The following ACACA variants were observed in gnomAD, a reference collection of about 807,000 sequenced individuals.
The protein encoded by ACACA is acetyl-CoA carboxylase 1.
Under a neutral mutation model 296.1 loss-of-function variants are expected in ACACA, and 103 were observed. The ratio of observed to expected loss-of-function variants is 0.35; its 90% CI spans 0.30 to 0.41. ACACA has a LOEUF of 0.41. ACACA is among the 10% of genes least tolerant of loss of function. The pLI, the probability that ACACA is intolerant of heterozygous loss-of-function variation, is 1.00. For synonymous variants in ACACA, 953 were observed against 1,038.6 expected (o/e 0.92, Z 1.58); for missense variants, 1,554 against 2,989.7 (o/e 0.52, Z 11.20).
At chr17:37,221,955 G>A (rs1446900517) in intron 28 of ACACA, 113 bp from the exon 29 acceptor site, 2 of 874,284 alleles carry the variant, frequency 2.3e-6, no homozygotes, top group Non-Finnish European at 3.8e-6. Flanking sequence ...TCTGTGGGGA[G>A]AGAAGTCCCA....
At chr17:37,253,168 G>A (rs774687216) in intron 14 of ACACA, 132 bp from the exon 15 acceptor site, 460 of 1,269,048 alleles carry the variant, frequency 3.6e-4, no homozygotes, top group Non-Finnish European at 4.7e-4. Context: ...AAGACAAGGC[G>A]GATCACGAAG....
chr17:37,337,427 A>AAG (rs2048174153), intron 2 of ACACA, among the ~76,000 whole-genome samples: 1 of 147,026 alleles, frequency 6.8e-6, no homozygotes, highest in African/African-American at 2.4e-5. Flanking sequence ...AAAAAAAAAA[A>AAG]AAAAAGAAAA....
intron 1 of ACACA, chr17:37,367,567 CTT>C (rs1670420431): frequency 6.6e-6 from 1 of 152,104 alleles, no homozygotes; most frequent in Non-Finnish European, 1.5e-5. Context: ...ATATATCTAT[CTT>C]ATATTCAGGA....
chr17:37,230,873 C>A (rs1353711761), intron 25 of ACACA, among the ~76,000 whole-genome samples: 5 of 152,200 alleles, frequency 3.3e-5, no homozygotes, highest in African/African-American at 1.2e-4. Context: ...TTTGGGATTA[C>A]AGGTCACTTG....
At chr17:37,192,377 AAAAG>A in intron 36 of ACACA, 72 bp from the exon 37 acceptor site, 1 of 1,352,822 alleles carries the variant, frequency 7.4e-7, no homozygotes, top group Non-Finnish European at 1.0e-6. Flanking sequence ...ATGTGAATGT[AAAAG>A]AGATGCCTGA....
In ACACA at chr17:37,406,454, G is replaced by A. The variant is rs2051514145; in HGVS notation, c.-155C>T. 1.2e-6 allele frequency: 1 copy of A among 818,554 alleles called. No individual in the cohort carries two copies. The highest frequency in any genetic ancestry group is 2.6e-5 in the East Asian group (1 of 37,814). 50.7% of individuals were successfully genotyped at this position (818,554 alleles called of 1,614,324 possible). A position where few individuals can be genotyped will look rare whatever the true frequency, so the allele number is the denominator to read the frequency against. ...CTGGTTCATCCACGAGCAGCCCTTCGGGGCCCGGACTGGAGAGGCGCCACG... is the reference window on the plus strand; with the variant it reads ...CTGGTTCATCCACGAGCAGCCCTTCAGGGCCCGGACTGGAGAGGCGCCACG... On this transcript the variant is annotated 5_prime_UTR_variant, in exon 1 of 56. Transcript: ENST00000616317.
intron 1 of ACACA, among the ~76,000 whole-genome samples, chr17:37,356,926 G>A (rs894160004): frequency 2.0e-5 from 3 of 152,050 alleles, no homozygotes; most frequent in South Asian, 2.1e-4. Flanking sequence ...ACCAGTCCAC[G>A]TGACAGGTAT....
At chr17:37,197,041 C>G (rs1380758445) in intron 35 of ACACA, among the ~76,000 whole-genome samples, 4 of 152,190 alleles carry the variant, frequency 2.6e-5, no homozygotes, top group African/African-American at 9.6e-5. Flanking sequence ...AGTCAACTCC[C>G]AGCCTCCTTA....
At chr17:37,272,144 G>A (rs967737050) in intron 9 of ACACA, among the ~76,000 whole-genome samples, 1 of 152,108 alleles carries the variant, frequency 6.6e-6, no homozygotes, top group Non-Finnish European at 1.5e-5. Context: ...AGGAGTTGGA[G>A]ACCAGCCAGC....
Position 37,097,949 on chromosome 17 carries a change from A to T in ACACA, c.6601T>A (p.Leu2201Met). The change falls in exon 53 of 56, where the codon TTG becomes ATG. Residue 2201 changes from leucine to methionine, a missense_variant. Leu to Met is a conservative substitution (Grantham distance 15). This residue lies in a region of ACACA where 553 missense variants were observed against 1,043.6 expected (regional missense o/e 0.53). Transcript: ENST00000616317. The surrounding 1 kb of genome is among the most constrained non-coding windows in gnomAD (Gnocchi z 4.8). ...PELSTAERKE[L>M]ENKLKEREEF... ...TCCCGCTCCTTCAACTTGTTCTCCAACTCCTTCCGCTCAGCTGTGCTTAGC... is the reference window on the plus strand; with the variant it reads ...TCCCGCTCCTTCAACTTGTTCTCCATCTCCTTCCGCTCAGCTGTGCTTAGC... 6.2e-7 allele frequency: 1 copy of T among 1,613,626 alleles called. No individual in the cohort carries two copies. The highest frequency in any genetic ancestry group is 1.7e-5 in the Admixed American group (1 of 59,996).
intron 45 of ACACA, among the ~76,000 whole-genome samples, chr17:37,145,468 T>A (rs2075772046): frequency 6.6e-6 from 1 of 152,180 alleles, no homozygotes; most frequent in Non-Finnish European, 1.5e-5. Flanking sequence ...AGCAAGCCCC[T>A]AGAAACTTCT....
intron 3 of ACACA, among the ~76,000 whole-genome samples, chr17:37,313,029 C>T (rs758721251): frequency 6.6e-6 from 1 of 152,274 alleles, no homozygotes; most frequent in Non-Finnish European, 1.5e-5. Context: ...AACTCCTAGA[C>T]ATTTTCCTGA....
At chr17:37,386,219 G>A in intron 1 of ACACA, 1 of 710,468 alleles carries the variant, frequency 1.4e-6, no homozygotes, top group South Asian at 2.3e-5. Context: ...CGTTAGTCTG[G>A]ATCTACTGAT....
At chr17:37,307,508 C>T (rs2083936683) in intron 3 of ACACA, among the ~76,000 whole-genome samples, 2 of 152,136 alleles carry the variant, frequency 1.3e-5, no homozygotes, top group South Asian at 4.1e-4. Flanking sequence ...ACTTACTTGA[C>T]ATTTGGTATC....
intron 14 of ACACA, among the ~76,000 whole-genome samples, chr17:37,254,201 T>TA (rs1434062970): frequency 6.6e-6 from 1 of 152,190 alleles, no homozygotes; most frequent in Non-Finnish European, 1.5e-5. Context: ...ACAGAATACT[T>TA]ACACAAAGTT....
intron 45 of ACACA, among the ~76,000 whole-genome samples, chr17:37,132,751 G>C (rs2075161920): frequency 6.6e-6 from 1 of 152,008 alleles, no homozygotes. Flanking sequence ...ACTAATAATG[G>C]ACCAATGAAG....
At chr17:37,285,866 T>C (rs1459395797) in intron 3 of ACACA, among the ~76,000 whole-genome samples, 6 of 152,114 alleles carry the variant, frequency 3.9e-5, no homozygotes, top group Non-Finnish European at 7.4e-5. Flanking sequence ...TATTTTACAA[T>C]TGATGCCTTA....
At chr17:37,180,850 G>T (rs2077291548) in intron 40 of ACACA, among the ~76,000 whole-genome samples, 1 of 152,146 alleles carries the variant, frequency 6.6e-6, no homozygotes, top group South Asian at 2.1e-4. Context: ...TAAAGTATCA[G>T]ATCTCCTTTT....
Position 37,239,765 on chromosome 17 carries a change from G to A in ACACA, c.3121+711C>T, listed in dbSNP as rs374413779. On this transcript the variant is annotated intron_variant, in intron 24 of 55. Transcript: ENST00000616317. ...TATTATTTTGTATGTTATTGGATGCGGTTTGCTGATATCTACATGAGGATT... is the reference window on the plus strand; with the variant it reads ...TATTATTTTGTATGTTATTGGATGCAGTTTGCTGATATCTACATGAGGATT... 6.6e-5 allele frequency among the ~76,000 whole-genome samples: 10 copies of A among 152,232 alleles called. No homozygotes were observed. In the South Asian group the frequency reaches 1.7e-3, roughly 25 times the overall value.
Sources: gnomAD v4.1 joint callset for allele counts (sites outside exome capture counted in the v4.1 genomes callset) on GRCh38, gnomAD v4.1.1 for gene constraint, gnomAD v4.1.1 regional missense constraint, Gnocchi (gnomAD v3.1) non-coding constraint, MANE v1.5 for transcripts, NCBI Gene and HGNC (gene_info 2026-07-23, HGNC 2026-07-21) for gene names.